The following CEP135 variants were observed in gnomAD, a reference collection of about 807,000 sequenced individuals.
The protein encoded by CEP135 is centrosomal protein of 135 kDa.
CEP135 carries 142 observed loss-of-function variants against 157.3 expected under a neutral mutation model. The observed-to-expected ratio is 0.90, with a 90% CI of 0.79 to 1.04. The LOEUF (loss-of-function observed/expected upper bound fraction) is 1.04. Ranked by LOEUF, CEP135 falls within the 50% of genes least tolerant of loss-of-function variation. CEP135 has a pLI of 0.00. For missense variants in CEP135, 1,317 were observed against 1,309.2 expected (o/e 1.01, Z -0.09); for synonymous variants, 396 against 439.8 (o/e 0.90, Z 1.25).
At chr4:56,002,681 A>G (rs915220373) in intron 17 of CEP135, among the ~76,000 whole-genome samples, 7 of 152,118 alleles carry the variant, frequency 4.6e-5, no homozygotes, top group African/African-American at 1.7e-4. Context: ...TGCATCAATG[A>G]TATTGGCCTG....
intron 14 of CEP135, 23 bp downstream of exon 14, chr4:55,985,381 G>A (rs1305165090): frequency 1.5e-6 from 2 of 1,368,726 alleles, no homozygotes; most frequent in African/African-American, 2.9e-5. Flanking sequence ...ACTGGATTTG[G>A]GGTATCTTGT....
intron 15 of CEP135, among the ~76,000 whole-genome samples, chr4:55,994,032 A>G (rs981588919): frequency 7.2e-5 from 11 of 152,222 alleles, no homozygotes; most frequent in African/African-American, 1.2e-4. Context: ...AAGTGTATCA[A>G]TCATATTCTC....
intron 6 of CEP135, 186 bp downstream of exon 6, chr4:55,959,952 T>C (rs1728629013): frequency 1.5e-5 from 9 of 617,260 alleles, no homozygotes; most frequent in Non-Finnish European, 8.5e-6. Context: ...AGCCTGTCTC[T>C]TCAAAAAATT....
At chr4:55,993,345 A>G (rs1418382813) in intron 15 of CEP135, among the ~76,000 whole-genome samples, 1 of 152,240 alleles carries the variant, frequency 6.6e-6, no homozygotes, top group East Asian at 1.9e-4. Context: ...TGTAGTTCAT[A>G]AGGGTTCTCT....
chr4:55,971,497 A>G (rs1729026870), intron 10 of CEP135, 89 bp downstream of exon 10: 1 of 1,257,216 alleles, frequency 8.0e-7, no homozygotes, highest in South Asian at 1.6e-5. Context: ...TCATTCATTC[A>G]TTCAATAAAT....
At chr4:55,994,810 C>T (rs912526854) in intron 15 of CEP135, among the ~76,000 whole-genome samples, 2 of 151,782 alleles carry the variant, frequency 1.3e-5, no homozygotes, top group Non-Finnish European at 2.9e-5. Context: ...CTCAGCCTCC[C>T]GAGTAGCTGG....
At chr4:55,982,054 T>G (rs2109686005) in intron 13 of CEP135, among the ~76,000 whole-genome samples, 1 of 152,200 alleles carries the variant, frequency 6.6e-6, no homozygotes, top group South Asian at 2.1e-4. Flanking sequence ...ACACAGTCAA[T>G]TTTAGAGCAT....
Position 56,011,440 on chromosome 4 carries a change from T to C in CEP135, c.2534T>C (p.Val845Ala), listed in dbSNP as rs141330867. 98 of 1,612,474 alleles carry C rather than the reference T, an allele frequency of 6.1e-5. 1 individual carries two copies. In the East Asian group the frequency reaches 8.7e-4, roughly 14 times the overall value. ...ATCTCATTGGAATTGGAAGCAGCAG[T>C]GCAAGAAAAAGAAGAAATGAAGAGC... ...QEISLELEAAVQEKEEMKSRV... is the reference protein window; with the variant it reads ...QEISLELEAAAQEKEEMKSRV... Residue 845 changes from valine to alanine, a missense_variant, in exon 20 of 26, where the codon GTG (valine) becomes GCG (alanine). By Grantham distance (64) the Val-to-Ala change is moderately conservative. Transcript: ENST00000257287.
At chr4:55,984,031 T>C (rs1216765507) in intron 13 of CEP135, among the ~76,000 whole-genome samples, 1 of 152,220 alleles carries the variant, frequency 6.6e-6, no homozygotes, top group Non-Finnish European at 1.5e-5. Flanking sequence ...ATTATTGTAT[T>C]ATTGGCCCCT....
chr4:55,955,342 A>T (rs191290342), intron 4 of CEP135, among the ~76,000 whole-genome samples: 2 of 152,192 alleles, frequency 1.3e-5, no homozygotes, highest in Non-Finnish European at 2.9e-5. Flanking sequence ...GAGTTGAAGA[A>T]CTAGAAGCCA....
chr4:56,020,582 G>T (rs1030429336), intron 23 of CEP135, 94 bp from the exon 24 acceptor site: 15 of 903,532 alleles, frequency 1.7e-5, no homozygotes, highest in African/African-American at 1.5e-4. Flanking sequence ...TTGTTGAAAG[G>T]TCTTGATCTT....
intron 25 of CEP135, among the ~76,000 whole-genome samples, chr4:56,028,653 A>G (rs28416505): frequency 0.022 from 3,346 of 152,228 alleles, 125 homozygotes; most frequent in African/African-American, 0.077. Flanking sequence ...ATGGCATCTC[A>G]GATTAGTGTC....
In CEP135 at chr4:55,950,804, G is replaced by A. The variant is rs185958378; in HGVS notation, c.-45-1282G>A. Among the ~76,000 whole-genome samples the A allele has an allele frequency of 2.6e-5, 4 of 152,056 alleles. No homozygotes were observed. In the East Asian group the frequency reaches 7.7e-4, roughly 29 times the overall value. ...AAATTTACATGATGAAATGCATAGA[G>A]TTTAAGTGTACTATTTGAAAAGTAA... On this transcript the variant is annotated intron_variant, in intron 1 of 25. Transcript: ENST00000257287.
At chr4:56,012,342 C>A (rs1730617151) in intron 21 of CEP135, among the ~76,000 whole-genome samples, 1 of 152,190 alleles carries the variant, frequency 6.6e-6, no homozygotes, top group Non-Finnish European at 1.5e-5. Context: ...AGGCATGAGC[C>A]ACCGCACCCG....
intron 8 of CEP135, chr4:55,966,403 C>T (rs1026388137): frequency 6.5e-6 from 1 of 152,784 alleles, no homozygotes; most frequent in African/African-American, 2.4e-5. Flanking sequence ...TGTGGGCCAG[C>T]CTGGTCTCGA....
chr4:55,994,988 G>A (rs1301923973), intron 15 of CEP135, among the ~76,000 whole-genome samples: 1 of 152,066 alleles, frequency 6.6e-6, no homozygotes, highest in African/African-American at 2.4e-5. Context: ...CCTGACCTAA[G>A]CATAGTTTAA....
At chr4:56,010,079 G>A (rs1286455076) in intron 19 of CEP135, among the ~76,000 whole-genome samples, 176 bp downstream of exon 19, 1 of 152,156 alleles carries the variant, frequency 6.6e-6, no homozygotes, top group Non-Finnish European at 1.5e-5. Context: ...GCCGGGCGCA[G>A]TGGCTCACAC....
intron 11 of CEP135, among the ~76,000 whole-genome samples, chr4:55,979,396 A>G (rs1017156030): frequency 7.2e-5 from 11 of 152,176 alleles, no homozygotes; most frequent in Non-Finnish European, 2.9e-5. Flanking sequence ...TAAATTGTAG[A>G]AATGTTGGAA....
chr4:55,972,163 A>G (rs937381720), intron 10 of CEP135, among the ~76,000 whole-genome samples: 10 of 151,906 alleles, frequency 6.6e-5, no homozygotes, highest in Admixed American at 4.6e-4. Flanking sequence ...AAAAAAAAAG[A>G]ATTTATTCAT....
Sources: allele counts gnomAD v4.1 joint callset (sites outside exome capture counted in the v4.1 genomes callset), GRCh38; gene constraint gnomAD v4.1.1; transcripts MANE v1.5; gene names NCBI Gene and HGNC (gene_info 2026-07-23, HGNC 2026-07-21).